Variants in LEKR1 observed in about 807,000 individuals in gnomAD.
LEKR1 encodes leucine, glutamate and lysine rich 1.
LEKR1 carries 59 observed loss-of-function variants against 72.4 expected under a neutral mutation model. That is an observed-to-expected ratio of 0.82 (90% CI 0.66 to 1.01). LEKR1 has a LOEUF of 1.01. LEKR1 is among the 50% of genes least tolerant of loss of function. The probability of loss-of-function intolerance (pLI) is 0.00; values close to 1 mark genes in which losing one functional copy is unlikely to be tolerated. For synonymous variants in LEKR1, 257 were observed against 263.2 expected, an observed-to-expected ratio of 0.98 and a Z score of 0.23; for missense variants, 728 against 759.2, an observed-to-expected ratio of 0.96 and a Z score of 0.48.
At chr3:156,878,427 T>A (rs1183725569) in intron 3 of LEKR1, among the ~76,000 whole-genome samples, 2 of 152,236 alleles carry the variant, frequency 1.3e-5, no homozygotes, top group Non-Finnish European at 2.9e-5. Context: ...CATGTACTTG[T>A]ACAGTTTTAA....
chr3:156,902,243 A>G lies in LEKR1; in HGVS notation c.264-18332A>G, dbSNP rs1180209061. Among the ~76,000 whole-genome samples the G allele has an allele frequency of 2.0e-5, 3 of 152,126 alleles. No homozygotes were observed. The East Asian group carries it at 5.8e-4, about 29-fold the overall frequency. On this transcript the variant is annotated intron_variant, in intron 3 of 12. Transcript: ENST00000356539. ...AAATCTTGTTTTCACTGTGCACATT[A>G]TGGAATACTTGGAAAACAGAAATAG...
chr3:156,861,448 C>T (rs1290512046), intron 3 of LEKR1, among the ~76,000 whole-genome samples: 2 of 152,030 alleles, frequency 1.3e-5, no homozygotes, highest in African/African-American at 4.8e-5. Flanking sequence ...TGGGATGGGG[C>T]CTACTTCCTA....
chr3:156,966,805 G>T (rs949913412), intron 6 of LEKR1, among the ~76,000 whole-genome samples: 1 of 152,190 alleles, frequency 6.6e-6, no homozygotes, highest in Non-Finnish European at 1.5e-5. Context: ...CGCAGCTGGA[G>T]ATCTGAGAAT....
chr3:156,910,870 G>A (rs1326675897), intron 3 of LEKR1, among the ~76,000 whole-genome samples: 1 of 152,156 alleles, frequency 6.6e-6, no homozygotes, highest in Non-Finnish European at 1.5e-5. Flanking sequence ...TGGTTGCTGG[G>A]TTGAATTCTA....
intron 5 of LEKR1, among the ~76,000 whole-genome samples, chr3:156,930,379 G>A (rs1725108515): frequency 6.6e-6 from 1 of 151,918 alleles, no homozygotes; most frequent in Non-Finnish European, 1.5e-5. Context: ...TTTAAAGCAA[G>A]CATTATTATT....
At chr3:156,892,200 T>C (rs1361528362) in intron 3 of LEKR1, among the ~76,000 whole-genome samples, 1 of 152,026 alleles carries the variant, frequency 6.6e-6, no homozygotes. Flanking sequence ...GGGAATCATA[T>C]GGCAATAGGT....
intron 2 of LEKR1, among the ~76,000 whole-genome samples, chr3:156,841,875 C>T (rs965515255): frequency 6.6e-6 from 1 of 152,094 alleles, no homozygotes; most frequent in Non-Finnish European, 1.5e-5. Context: ...ATCGGGGTCC[C>T]CAAACCCCTG....
intron 6 of LEKR1, among the ~76,000 whole-genome samples, chr3:156,969,078 C>T (rs1302804444): frequency 2.1e-4 from 32 of 151,940 alleles, no homozygotes; most frequent in Non-Finnish European, 2.8e-4. Flanking sequence ...TTGAAACCAA[C>T]GAGAACAAAG....
At chr3:156,836,046 GTA>G (rs1220967224) in intron 2 of LEKR1, among the ~76,000 whole-genome samples, 2 of 151,408 alleles carry the variant, frequency 1.3e-5, no homozygotes, top group Non-Finnish European at 3.0e-5. Context: ...GCTGATTTTT[GTA>G]TTTTTAGTAG....
chr3:156,955,348 G>A (rs956656376), intron 6 of LEKR1, among the ~76,000 whole-genome samples: 2 of 151,874 alleles, frequency 1.3e-5, no homozygotes, highest in Admixed American at 6.6e-5. Flanking sequence ...TCTTTCACTT[G>A]CCTGATTGCT....
intron 3 of LEKR1, among the ~76,000 whole-genome samples, chr3:156,919,823 C>T (rs771367703): frequency 4.6e-5 from 7 of 152,152 alleles, no homozygotes; most frequent in Non-Finnish European, 7.4e-5. Flanking sequence ...AAATGTCAGA[C>T]ATCTTTTTCC....
chr3:156,879,279 T>A (rs1177399533), intron 3 of LEKR1, among the ~76,000 whole-genome samples: 1 of 152,158 alleles, frequency 6.6e-6, no homozygotes, highest in African/African-American at 2.4e-5. Flanking sequence ...ATGAGGAACT[T>A]GTCGAGAACT....
At chr3:157,026,679 T>G (rs1734212239) in intron 11 of LEKR1, among the ~76,000 whole-genome samples, 1 of 152,242 alleles carries the variant, frequency 6.6e-6, no homozygotes, top group Non-Finnish European at 1.5e-5. Context: ...TAACTCTTTT[T>G]ATGTAACAGT....
At chr3:156,962,946 G>C (rs1292109728) in intron 6 of LEKR1, among the ~76,000 whole-genome samples, 1 of 152,074 alleles carries the variant, frequency 6.6e-6, no homozygotes, top group Non-Finnish European at 1.5e-5. Context: ...ATAGGACCTT[G>C]GGAATAAATT....
rs139119891 is a variant in LEKR1, at chr3:157,029,618, C to A, written c.1668+1216C>A. ...ATTAAGACAAAAAGATGATTAAGTT[C>A]TCTTGTTGTTACACAGCAGCTCAGT... is the stretch of plus-strand genomic sequence containing the variant. On this transcript the variant is annotated intron_variant, in intron 12 of 12. Transcript: ENST00000356539. Among the ~76,000 whole-genome samples, 865 of 152,224 alleles carry A rather than the reference C, an allele frequency of 5.7e-3. 4 individuals are homozygous for A. The highest frequency in any genetic ancestry group is 0.02 in the African/African-American group (814 of 41,542).
In LEKR1 at chr3:156,972,740, TTAAA is replaced by T. The variant is rs1729342565; in HGVS notation, c.746-6450_746-6447del. On this transcript the variant is annotated intron_variant, in intron 6 of 12. Coordinates refer to ENST00000356539, the MANE Select transcript of LEKR1 (RefSeq NM_001004316.3). ...ATAAAATAATTTAAATAAACTTAAT[TTAAA>T]TAATTTAAACAGTGAGTAAAATAAT... 2.0e-5 allele frequency among the ~76,000 whole-genome samples: 3 copies of T among 150,510 alleles called. No individual in the cohort carries two copies. The East Asian group carries it at 5.8e-4, about 29-fold the overall frequency.
intron 9 of LEKR1, among the ~76,000 whole-genome samples, chr3:157,008,701 A>G (rs1245082675): frequency 3.3e-5 from 5 of 152,230 alleles, no homozygotes; most frequent in African/African-American, 9.6e-5. Flanking sequence ...GTTTCTCTCT[A>G]TAATTTTACC....
chr3:157,000,964 C>G (rs939922031), intron 9 of LEKR1, among the ~76,000 whole-genome samples: 4 of 152,102 alleles, frequency 2.6e-5, no homozygotes, highest in African/African-American at 7.2e-5. Context: ...GCTCTTCCCC[C>G]CTTTTCTTGG....
At chr3:156,973,067 T>A (rs963758749) in intron 6 of LEKR1, among the ~76,000 whole-genome samples, 2 of 152,140 alleles carry the variant, frequency 1.3e-5, no homozygotes, top group Admixed American at 6.6e-5. Flanking sequence ...ATAATATCAA[T>A]GAAAACTGCA....
Sources: allele counts gnomAD v4.1 joint callset (sites outside exome capture counted in the v4.1 genomes callset), GRCh38; gene constraint gnomAD v4.1.1; transcripts MANE v1.5; gene names NCBI Gene and HGNC (gene_info 2026-07-23, HGNC 2026-07-21).